Variants in TBC1D24 observed in about 807,000 individuals in gnomAD.
TBC1D24 encodes TBC1 domain family member 24.
In TBC1D24, 47 loss-of-function variants were observed where a neutral mutation model predicts 50.7. That is an observed-to-expected ratio of 0.93 (90% CI 0.73 to 1.18). The LOEUF (loss-of-function observed/expected upper bound fraction) is 1.18. Ranked by LOEUF, TBC1D24 falls within the 50% of genes most tolerant of loss-of-function variation. TBC1D24 has a pLI of 0.00. For synonymous variants in TBC1D24, 324 were observed against 335.2 expected, an observed-to-expected ratio of 0.97 and a Z score of 0.36; for missense variants, 688 against 766.5, an observed-to-expected ratio of 0.90 and a Z score of 1.21.
rs940749527 is a variant in TBC1D24, at chr16:2,502,410, C to T, written c.*1452C>T. On this transcript the variant is annotated 3_prime_UTR_variant, in exon 8 of 8. Transcript: ENST00000646147. Reference sequence around the variant, plus strand: ...CAGAGGCAGGTACCAGCAGTCCTGCCCCCACCCCCGTCCCTGCTGGCCTCC... The same window carrying T: ...CAGAGGCAGGTACCAGCAGTCCTGCTCCCACCCCCGTCCCTGCTGGCCTCC... 6.6e-6 allele frequency: 1 copy of T among 152,328 alleles called. No homozygotes were observed. The highest frequency in any genetic ancestry group is 2.4e-5 in the African/African-American group (1 of 41,434). 9.4% of individuals were successfully genotyped at this position (152,328 alleles called of 1,614,324 possible). A position where few individuals can be genotyped will look rare whatever the true frequency, so the allele number is the denominator to read the frequency against.
In TBC1D24 at chr16:2,504,729, C is replaced by G. The variant is rs369211408; in HGVS notation, c.*3771C>G. 6.6e-6 allele frequency: 1 copy of G among 152,156 alleles called. No homozygotes were observed. The highest frequency in any genetic ancestry group is 1.9e-4 in the East Asian group (1 of 5,186). The allele number at this position is 152,156 out of a possible 1,614,324, so 9.4% of individuals were successfully genotyped here. A position where few individuals can be genotyped will look rare whatever the true frequency, so the allele number is the denominator to read the frequency against. On this transcript the variant is annotated 3_prime_UTR_variant, in exon 8 of 8. Transcript: ENST00000646147. Reference sequence around the variant, plus strand: ...CAACCGCGCCCAGCCGAGATTGCCCCGTTTTTTTCCCACTGTCCAGGAATC... The same window carrying G: ...CAACCGCGCCCAGCCGAGATTGCCCGGTTTTTTTCCCACTGTCCAGGAATC...
At chr16:2,490,540 C>T (rs1198096487) in intron 1 of TBC1D24, among the ~76,000 whole-genome samples, 2 of 152,344 alleles carry the variant, frequency 1.3e-5, no homozygotes, top group Non-Finnish European at 2.9e-5. Context: ...GCTGCCTGAA[C>T]CCGGAGAGAG....
rs911936151 is a variant in TBC1D24 at position 2,503,798 on chromosome 16, T to C, written c.*2840T>C. 2 of 151,356 alleles carry C rather than the reference T, an allele frequency of 1.3e-5. No homozygotes were observed. The highest frequency in any genetic ancestry group is 1.3e-4 in the Admixed American group (2 of 15,204). The allele number at this position is 151,356 out of a possible 1,614,324, so 9.4% of individuals were successfully genotyped here. Reference sequence around the variant, plus strand: ...TGGTCTTGAACTCCTGACCTCGTGATCCACCCCCCCCTCAGCCTCCCAAAG... The same window carrying C: ...TGGTCTTGAACTCCTGACCTCGTGACCCACCCCCCCCTCAGCCTCCCAAAG... On this transcript the variant is annotated 3_prime_UTR_variant, in exon 8 of 8. Coordinates refer to ENST00000646147, the MANE Select transcript of TBC1D24 (RefSeq NM_001199107.2).
chr16:2,498,136 C>T (rs1567412958), intron 3 of TBC1D24, 102 bp from the exon 4 acceptor site: 5 of 1,454,562 alleles, frequency 3.4e-6, no homozygotes, highest in Non-Finnish European at 4.7e-6. Context: ...GCGAGAAGTT[C>T]CCTCTGGGTT....
At chr16:2,498,511 G>A (rs2065763601) in intron 4 of TBC1D24, 115 bp downstream of exon 4, 2 of 1,007,096 alleles carry the variant, frequency 2.0e-6, no homozygotes, top group African/African-American at 3.3e-5. Context: ...GCTTCTTCCT[G>A]TGGGGCCTAA....
rs1173044946 is a variant in TBC1D24, at chr16:2,499,947, G to A, written c.1302+17G>A. The A allele has an allele frequency of 8.7e-6, 14 of 1,611,448 alleles. No homozygotes were observed. In the East Asian group the frequency reaches 2.7e-4, roughly 31 times the overall value. ...GTGTTTAGGGTGAGTGGGGCCAAGTGTCCCCAAACCCCCACGCAGACCCTG... is the reference window on the plus strand; with the variant it reads ...GTGTTTAGGGTGAGTGGGGCCAAGTATCCCCAAACCCCCACGCAGACCCTG... On this transcript the variant is annotated intron_variant, in intron 6 of 7. Coordinates refer to ENST00000646147, the MANE Select transcript of TBC1D24 (RefSeq NM_001199107.2). The surrounding 1 kb of genome is among the most constrained non-coding windows in gnomAD (Gnocchi z 4.0).
At position 2,496,194 on chromosome 16, in the gene TBC1D24, G is replaced by T; in HGVS notation, c.46G>T (p.Asp16Tyr). The change falls in exon 2 of 8, where the codon GAC (aspartate) becomes TAC (tyrosine). Residue 16 changes from aspartate (D) to tyrosine (Y), a missense_variant. Asp to Tyr is a radical substitution (Grantham distance 160). Coordinates refer to ENST00000646147, the MANE Select transcript of TBC1D24 (RefSeq NM_001199107.2). Reference sequence around the variant, plus strand: ...CTGCTTCGTGGACAAAGACAAGATGGACGCTGCCATCCAGGACCTGGGGCC... The same window carrying T: ...CTGCTTCGTGGACAAAGACAAGATGTACGCTGCCATCCAGGACCTGGGGCC... The part of the protein sequence containing the change: ...YNCFVDKDKM[D>Y]AAIQDLGPKE... 6.2e-7 allele frequency: 1 copy of T among 1,613,940 alleles called. No homozygotes were observed. The highest frequency in any genetic ancestry group is 1.1e-5 in the South Asian group (1 of 91,076).
At chr16:2,481,496 C>T (rs1170938914) in intron 1 of TBC1D24, 1 of 152,236 alleles carries the variant, frequency 6.6e-6, no homozygotes, top group African/African-American at 2.4e-5. Flanking sequence ...GCCTGGCCTT[C>T]CAAGGCACAC....
At position 2,487,332 on chromosome 16, in the gene TBC1D24, T is replaced by C. The variant is rs980841534; in HGVS notation, c.-115-8702T>C. 1.3e-5 allele frequency among the ~76,000 whole-genome samples: 2 copies of C among 152,226 alleles called. No homozygotes were observed. The highest frequency in any genetic ancestry group is 2.9e-5 in the Non-Finnish European group (2 of 68,038). ...CCTCAGTGGAGGTCTGTCATGTGAC[T>C]AACTGCAGGACGAGGGAGCCGCGGT... On this transcript the variant is annotated intron_variant, in intron 1 of 7. Coordinates refer to ENST00000646147, the MANE Select transcript of TBC1D24 (RefSeq NM_001199107.2). The surrounding 1 kb of genome is among the most constrained non-coding windows in gnomAD (Gnocchi z 4.1).
At position 2,496,850 on chromosome 16, in the gene TBC1D24, G is replaced by C. The variant is rs188739853; in HGVS notation, c.702G>C (p.Val234=). ...CCCGGGTCTTTGACGTCTTCCTGGTGGAGGGCTACAAGGTGCTGTACCGCG... is the reference window on the plus strand; with the variant it reads ...CCCGGGTCTTTGACGTCTTCCTGGTCGAGGGCTACAAGGTGCTGTACCGCG... ...YFARVFDVFL[V]EGYKVLYRVA... is the part of the protein sequence containing the mutation. Residue 234 remains valine (V), a synonymous_variant, in exon 2 of 8, where the codon GTG becomes GTC. Transcript: ENST00000646147. 186 of 1,614,114 alleles carry C rather than the reference G, an allele frequency of 1.2e-4. 1 individual carries two copies. In the East Asian group the frequency reaches 3.7e-3, roughly 32 times the overall value.
chr16:2,484,999 A>T (rs960658135), intron 1 of TBC1D24: 1 of 146,968 alleles, frequency 6.8e-6, no homozygotes, highest in Non-Finnish European at 1.5e-5. Context: ...TGCCATCCAC[A>T]CCCCGCTCCA....
chr16:2,501,369 G>A lies in TBC1D24; in HGVS notation c.*411G>A. ...GTGCAGCTAAGGGTGGGCCTGTGGT[G>A]CCCCCTGCTGGTGCCGCATAGCATC... On this transcript the variant is annotated 3_prime_UTR_variant, in exon 8 of 8. Transcript: ENST00000646147. 4.2e-6 allele frequency: 1 copy of A among 235,940 alleles called. No homozygotes were observed. Among genetic ancestry groups the A allele is most frequent in the Non-Finnish European group, 8.6e-6 (1 of 116,922 alleles). The allele number at this position is 235,940 out of a possible 1,614,324, so 14.6% of individuals were successfully genotyped here.
chr16:2,481,833 A>G (rs1002257366), intron 1 of TBC1D24: 3 of 152,266 alleles, frequency 2.0e-5, no homozygotes, highest in Admixed American at 1.3e-4. Context: ...TGCACTTCCA[A>G]CCATCACAGG....
Position 2,501,098 on chromosome 16 carries a change from G to A in TBC1D24, c.*140G>A, listed in dbSNP as rs543050042. 24 of 1,141,962 alleles carry A rather than the reference G, an allele frequency of 2.1e-5. No homozygotes were observed. Among genetic ancestry groups the A allele is most frequent in the South Asian group, 1.5e-4 (10 of 68,396 alleles). The allele number at this position is 1,141,962 out of a possible 1,614,324, so 70.7% of individuals were successfully genotyped here. On this transcript the variant is annotated 3_prime_UTR_variant, in exon 8 of 8. Coordinates refer to ENST00000646147, the MANE Select transcript of TBC1D24 (RefSeq NM_001199107.2). ...GCAGGACCCCATGGCCAAGCCTGGC[G>A]TTGCCTGGACCTGCTGCTGCCTCTA...
At position 2,505,496 on chromosome 16, in the gene TBC1D24, T is replaced by C. The variant is rs1322830031; in HGVS notation, c.*4538T>C. The C allele has an allele frequency of 6.6e-6, 1 of 152,212 alleles. No individual in the cohort carries two copies. The highest frequency in any genetic ancestry group is 1.5e-5 in the Non-Finnish European group (1 of 68,044). The allele number at this position is 152,212 out of a possible 1,614,324, so 9.4% of individuals were successfully genotyped here. A position where few individuals can be genotyped will look rare whatever the true frequency, so the allele number is the denominator to read the frequency against. ...CTAAGGATAGAAGGGAAAAAATAGT[T>C]GTGTGAATGATTTTACCTCTTAGTT... On this transcript the variant is annotated 3_prime_UTR_variant, in exon 8 of 8. Transcript: ENST00000646147.
intron 1 of TBC1D24, among the ~76,000 whole-genome samples, chr16:2,489,018 C>T (rs900927789): frequency 4.7e-5 from 7 of 148,134 alleles, no homozygotes; most frequent in East Asian, 4.0e-4. Context: ...TGCAGTGTGC[C>T]GAGATCGTGC....
At position 2,487,103 on chromosome 16, in the gene TBC1D24, T is replaced by C. The variant is rs1195826359; in HGVS notation, c.-115-8931T>C. 6.6e-6 allele frequency among the ~76,000 whole-genome samples: 1 copy of C among 152,210 alleles called. No homozygotes were observed. The highest frequency in any genetic ancestry group is 1.5e-5 in the Non-Finnish European group (1 of 68,034). On this transcript the variant is annotated intron_variant, in intron 1 of 7. Transcript: ENST00000646147. The surrounding 1 kb of genome is among the most constrained non-coding windows in gnomAD (Gnocchi z 4.1). ...TTAGCGCATCCCAGCCCCTCAGCAC[T>C]GCCAGGGCCGCCCAGCTCGCCTTCG...
rs2065772603 is a variant in TBC1D24, at chr16:2,499,516, G to C, written c.1206+96G>C. On this transcript the variant is annotated intron_variant, in intron 5 of 7. Transcript: ENST00000646147. This position sits in a 1 kb window ranked among gnomAD's most constrained non-coding sequence, Gnocchi z 4.0. The stretch of plus-strand genomic sequence containing the variant: ...TGGCTCTGATGGGCTTCAGGGCCTA[G>C]GCCTCCTGGGCCAGATCCAGAGTCA... The C allele has an allele frequency of 2.7e-6, 3 of 1,102,286 alleles. No homozygotes were observed. The highest frequency in any genetic ancestry group is 3.9e-5 in the Admixed American group (2 of 51,132). 68.3% of individuals were successfully genotyped at this position (1,102,286 alleles called of 1,614,324 possible).
chr16:2,487,834 G>T lies in TBC1D24; in HGVS notation c.-115-8200G>T, dbSNP rs1012263320. Among the ~76,000 whole-genome samples, 6 of 152,146 alleles carry T rather than the reference G, an allele frequency of 3.9e-5. No homozygotes were observed. Among genetic ancestry groups the T allele is most frequent in the Non-Finnish European group, 8.8e-5 (6 of 68,018 alleles). On this transcript the variant is annotated intron_variant, in intron 1 of 7. Coordinates refer to ENST00000646147, the MANE Select transcript of TBC1D24 (RefSeq NM_001199107.2). The surrounding 1 kb of genome is among the most constrained non-coding windows in gnomAD (Gnocchi z 4.1). ...AGTGGCCGAGTGCCCTGAAGTCCCA[G>T]ACCTGCGTGGGTCCTGCCTGTGCTC...
Sources: gnomAD v4.1 joint callset for allele counts (sites outside exome capture counted in the v4.1 genomes callset) on GRCh38, gnomAD v4.1.1 for gene constraint, Gnocchi (gnomAD v3.1) non-coding constraint, MANE v1.5 for transcripts, NCBI Gene and HGNC (gene_info 2026-07-23, HGNC 2026-07-21) for gene names.